Variants in GALNT2 observed in about 807,000 individuals in gnomAD.
The protein encoded by GALNT2 is polypeptide N-acetylgalactosaminyltransferase 2.
GALNT2 carries 31 observed loss-of-function variants against 81.4 expected under a neutral mutation model. The ratio of observed to expected loss-of-function variants is 0.38; its 90% CI spans 0.29 to 0.51. GALNT2 has a LOEUF of 0.51. Ranked by LOEUF, GALNT2 falls within the 20% of genes least tolerant of loss-of-function variation. The pLI, the probability that GALNT2 is intolerant of heterozygous loss-of-function variation, is 0.87. For missense variants in GALNT2, 629 were observed against 765.7 expected, an observed-to-expected ratio of 0.82 and a Z score of 2.11; for synonymous variants, 303 against 287.4, an observed-to-expected ratio of 1.05 and a Z score of -0.55.
At chr1:230,239,530 A>G (rs746828403) in intron 6 of GALNT2, among the ~76,000 whole-genome samples, 3 of 152,216 alleles carry the variant, frequency 2.0e-5, no homozygotes, top group Non-Finnish European at 2.9e-5. Context: ...CGTGGAAGAA[A>G]GATGTAGGCC....
intron 1 of GALNT2, among the ~76,000 whole-genome samples, chr1:230,145,364 G>A (rs1380115648): frequency 6.6e-6 from 1 of 152,222 alleles, no homozygotes; most frequent in East Asian, 1.9e-4. Context: ...AGTCGGGCCT[G>A]GGCCTTCTGA....
At chr1:230,146,169 G>C (rs1306777628) in intron 1 of GALNT2, among the ~76,000 whole-genome samples, 8 of 152,286 alleles carry the variant, frequency 5.3e-5, no homozygotes, top group Non-Finnish European at 1.2e-4. Flanking sequence ...CTGCTGTTTG[G>C]AGTTGGATGT....
intron 2 of GALNT2, among the ~76,000 whole-genome samples, chr1:230,198,055 G>A (rs894413596): frequency 1.3e-5 from 2 of 152,230 alleles, no homozygotes; most frequent in African/African-American, 4.8e-5. Flanking sequence ...GTATCGGCAC[G>A]CAGCGATGAG....
intron 1 of GALNT2, among the ~76,000 whole-genome samples, chr1:230,142,286 A>C (rs1661768297): frequency 6.6e-6 from 1 of 152,200 alleles, no homozygotes; most frequent in South Asian, 2.1e-4. Flanking sequence ...TTCTTTCCAC[A>C]TCAGCATTCT....
At chr1:230,143,034 G>T (rs1661797730) in intron 1 of GALNT2, among the ~76,000 whole-genome samples, 1 of 152,268 alleles carries the variant, frequency 6.6e-6, no homozygotes, top group African/African-American at 2.4e-5. Context: ...GTTTTTAGGG[G>T]AGTGGGCTGG....
intron 1 of GALNT2, among the ~76,000 whole-genome samples, chr1:230,082,099 C>G (rs1373364651): frequency 6.6e-6 from 1 of 152,192 alleles, no homozygotes; most frequent in African/African-American, 2.4e-5. Context: ...AATTTTTGGA[C>G]TAGGAGTGTC....
At chr1:230,278,826 G>A (rs1420619270) in intron 15 of GALNT2, among the ~76,000 whole-genome samples, 1 of 152,240 alleles carries the variant, frequency 6.6e-6, no homozygotes, top group African/African-American at 2.4e-5. Context: ...AAAGCCCTAA[G>A]TGGGAGCATG....
chr1:230,177,360 A>G (rs552579015), intron 1 of GALNT2, among the ~76,000 whole-genome samples: 2 of 152,374 alleles, frequency 1.3e-5, no homozygotes, highest in Admixed American at 1.3e-4. Context: ...GCATCTGCTC[A>G]GGAAAATGGC....
chr1:230,085,208 A>T (rs1162766076), intron 1 of GALNT2, among the ~76,000 whole-genome samples: 1 of 152,190 alleles, frequency 6.6e-6, no homozygotes, highest in Admixed American at 6.5e-5. Flanking sequence ...AAACTGAAGC[A>T]TACCCTGACA....
chr1:230,211,480 G>A (rs1664233289), intron 3 of GALNT2, among the ~76,000 whole-genome samples: 3 of 152,216 alleles, frequency 2.0e-5, no homozygotes, highest in Admixed American at 2.0e-4. Context: ...CAAGGCCCAT[G>A]CTCAGCCTTT....
At position 230,275,065 on chromosome 1, in the gene GALNT2, C is replaced by T. The variant is rs114052230; in HGVS notation, c.1560+501C>T. Among the ~76,000 whole-genome samples the T allele has an allele frequency of 0.12, 16,052 of 131,718 alleles. 986 individuals are homozygous for T. Among genetic ancestry groups the T allele is most frequent in the South Asian group, 0.21 (840 of 4,016 alleles). The allele number at this position is 131,718 out of a possible 152,430, so 86.4% of individuals were successfully genotyped here. A position where few individuals can be genotyped will look rare whatever the true frequency, so the allele number is the denominator to read the frequency against. ...CACATATATACATGCCACATATATACGTATATATATACACACCACATATAT... is the reference window on the plus strand; with the variant it reads ...CACATATATACATGCCACATATATATGTATATATATACACACCACATATAT... On this transcript the variant is annotated intron_variant, in intron 15 of 15. Transcript: ENST00000366672. This position sits in a 1 kb window ranked among gnomAD's most constrained non-coding sequence, Gnocchi z 5.5.
At chr1:230,066,329 C>T (rs1659180941), upstream of GALNT2, among the ~76,000 whole-genome samples, 1 of 152,214 alleles carries the variant, frequency 6.6e-6, no homozygotes. Flanking sequence ...TTTCTTGTAT[C>T]GTTAAAGATG....
intron 1 of GALNT2, among the ~76,000 whole-genome samples, chr1:230,137,241 C>T (rs1197349210): frequency 4.6e-5 from 7 of 152,238 alleles, no homozygotes; most frequent in Admixed American, 1.3e-4. Flanking sequence ...TGATCTGTCC[C>T]GCTGCTCTGG....
At chr1:230,183,847 G>A (rs1262317073) in intron 2 of GALNT2, among the ~76,000 whole-genome samples, 1 of 151,998 alleles carries the variant, frequency 6.6e-6, no homozygotes, top group Non-Finnish European at 1.5e-5. Context: ...GTGTGGTGGT[G>A]CGTGCCTGTA....
At chr1:230,237,106 T>A (rs1665055385) in intron 6 of GALNT2, among the ~76,000 whole-genome samples, 1 of 152,214 alleles carries the variant, frequency 6.6e-6, no homozygotes, top group Non-Finnish European at 1.5e-5. Context: ...GGGATTCAAG[T>A]TTGACAGCCT....
chr1:230,100,390 G>A (rs12404425), intron 1 of GALNT2, among the ~76,000 whole-genome samples: 63,555 of 146,314 alleles, frequency 0.43, 13,710 homozygotes, highest in South Asian at 0.54. Flanking sequence ...GCAATGGCGC[G>A]ACCTCGGCTC....
chr1:230,093,784 A>G (rs1660163562), intron 1 of GALNT2, among the ~76,000 whole-genome samples: 1 of 152,258 alleles, frequency 6.6e-6, no homozygotes, highest in African/African-American at 2.4e-5. Context: ...TATTCAGTAC[A>G]GTAACAAGCA....
chr1:230,087,665 G>A (rs548022310), intron 1 of GALNT2, among the ~76,000 whole-genome samples: 20 of 152,320 alleles, frequency 1.3e-4, no homozygotes, highest in African/African-American at 4.1e-4. Flanking sequence ...GTCAGGTCTG[G>A]GGACAGCTGG....
chr1:230,155,129 G>A (rs982083422), intron 1 of GALNT2, among the ~76,000 whole-genome samples: 1 of 152,188 alleles, frequency 6.6e-6, no homozygotes, highest in African/African-American at 2.4e-5. Context: ...TCCGCGTGCA[G>A]TTTTCTGCGG....
Sources: allele counts gnomAD v4.1 joint callset (sites outside exome capture counted in the v4.1 genomes callset), GRCh38; gene constraint gnomAD v4.1.1; non-coding constraint Gnocchi (gnomAD v3.1); transcripts MANE v1.5; gene names NCBI Gene and HGNC (gene_info 2026-07-23, HGNC 2026-07-21).